SDK2: variants seen among roughly 807,000 people sequenced by gnomAD.
The protein encoded by SDK2 is protein sidekick-2.
Under a neutral mutation model 253.9 loss-of-function variants are expected in SDK2, and 105 were observed. The observed-to-expected ratio is 0.41, with a 90% CI of 0.35 to 0.49. The LOEUF (loss-of-function observed/expected upper bound fraction) is 0.49, where lower values mean the gene tolerates loss of function less well. SDK2 is among the 20% of genes least tolerant of loss of function. The pLI is 0.06. For synonymous variants in SDK2, 1,249 were observed against 1,234.9 expected, an observed-to-expected ratio of 1.01 and a Z score of -0.24; for missense variants, 2,608 against 3,003.0, an observed-to-expected ratio of 0.87 and a Z score of 3.07.
At chr17:73,597,731 C>T (rs1204365584) in intron 1 of SDK2, among the ~76,000 whole-genome samples, 9 of 151,804 alleles carry the variant, frequency 5.9e-5, no homozygotes, top group East Asian at 3.9e-4. Context: ...CTGCAAGCTC[C>T]GCCTCCCGGG....
At position 73,541,301 on chromosome 17, in the gene SDK2, G is replaced by T. The variant is rs1327212877; in HGVS notation, c.65-33704C>A. 6.6e-6 allele frequency among the ~76,000 whole-genome samples: 1 copy of T among 152,210 alleles called. No homozygotes were observed. The highest frequency in any genetic ancestry group is 2.4e-5 in the African/African-American group (1 of 41,460). ...CAGGAGCTCTCCACCCTTCTAAAAG[G>T]TGGACCAGGGCCAGAGCCAGGCTCT... On this transcript the variant is annotated intron_variant, in intron 1 of 44. Coordinates refer to ENST00000392650, the MANE Select transcript of SDK2 (RefSeq NM_001144952.2). The surrounding 1 kb of genome is among the most constrained non-coding windows in gnomAD (Gnocchi z 4.3).
chr17:73,538,755 C>T (rs2044819925), intron 1 of SDK2, among the ~76,000 whole-genome samples: 1 of 152,172 alleles, frequency 6.6e-6, no homozygotes, highest in African/African-American at 2.4e-5. Context: ...CATAAGCAGG[C>T]ACCCAGTGTA....
At chr17:73,398,882 AG>A (rs983708405) in intron 22 of SDK2, among the ~76,000 whole-genome samples, 2 of 152,184 alleles carry the variant, frequency 1.3e-5, no homozygotes, top group Non-Finnish European at 2.9e-5. Flanking sequence ...TGATGATTCC[AG>A]GGTACAGCCA....
chr17:73,358,209 A>G lies in SDK2; in HGVS notation c.5468-5T>C. On this transcript the variant is annotated splice_polypyrimidine_tract_variant and splice_region_variant and intron_variant, in intron 39 of 44. Coordinates refer to ENST00000392650, the MANE Select transcript of SDK2 (RefSeq NM_001144952.2). Reference sequence around the variant, plus strand: ...CGCCAGGCGGTCCTGGGGCACCTGCAGACAGCACACAGAGGCGAGGGATGT... The same window carrying G: ...CGCCAGGCGGTCCTGGGGCACCTGCGGACAGCACACAGAGGCGAGGGATGT... The G allele has an allele frequency of 6.3e-7, 1 of 1,598,364 alleles. No homozygotes were observed.
At chr17:73,556,323 G>GTT (rs1386379974) in intron 1 of SDK2, among the ~76,000 whole-genome samples, 2 of 131,456 alleles carry the variant, frequency 1.5e-5, no homozygotes, top group South Asian at 5.3e-4. Context: ...CGGAGTTTGG[G>GTT]TTTTTTTTAT....
intron 1 of SDK2, among the ~76,000 whole-genome samples, chr17:73,611,704 G>A (rs1304747303): frequency 1.3e-5 from 2 of 152,156 alleles, no homozygotes; most frequent in African/African-American, 4.8e-5. Flanking sequence ...GCAGTGAGAG[G>A]GTCCCTTGCC....
intron 1 of SDK2, among the ~76,000 whole-genome samples, chr17:73,599,345 A>G (rs2045805826): frequency 1.3e-5 from 2 of 152,208 alleles, no homozygotes; most frequent in African/African-American, 4.8e-5. Flanking sequence ...CAGCCTGGCC[A>G]ACATGGCGAA....
intron 1 of SDK2, among the ~76,000 whole-genome samples, chr17:73,582,494 T>G (rs923811082): frequency 6.6e-5 from 10 of 152,208 alleles, no homozygotes; most frequent in Admixed American, 2.6e-4. Context: ...CTGTGACAAT[T>G]ATCAAAATGT....
At position 73,470,405 on chromosome 17, in the gene SDK2, A is replaced by G. The variant is rs146283274; in HGVS notation, c.331+1707T>C. ...CCAACCTGGACACAGACATTTGCAC[A>G]CACCCATGCACACACCTTGGCACAC... is the stretch of plus-strand genomic sequence containing the variant. On this transcript the variant is annotated intron_variant, in intron 3 of 44. Coordinates refer to ENST00000392650, the MANE Select transcript of SDK2 (RefSeq NM_001144952.2). Among the ~76,000 whole-genome samples the G allele has an allele frequency of 3.2e-3, 482 of 152,254 alleles. 1 individual carries two copies. The highest frequency in any genetic ancestry group is 4.6e-3 in the Non-Finnish European group (314 of 68,022).
intron 4 of SDK2, among the ~76,000 whole-genome samples, chr17:73,449,080 C>G (rs1056730334): frequency 1.3e-5 from 2 of 152,042 alleles, no homozygotes; most frequent in Non-Finnish European, 2.9e-5. Flanking sequence ...CAGCTGGTTT[C>G]CTTTGCTGGG....
At chr17:73,559,598 G>GCCCC (rs10633523) in intron 1 of SDK2, among the ~76,000 whole-genome samples, 25 of 122,188 alleles carry the variant, frequency 2.0e-4, no homozygotes, top group South Asian at 5.1e-4. Context: ...CGCTCCCTGT[G>GCCCC]CCCCCCGCCC....
chr17:73,367,914 A>T (rs1203186266), intron 37 of SDK2, among the ~76,000 whole-genome samples: 1 of 150,608 alleles, frequency 6.6e-6, no homozygotes, highest in African/African-American at 2.5e-5. Context: ...ACCTGTGCTG[A>T]CCCCCGTCTG....
Position 73,541,032 on chromosome 17 carries a change from G to A in SDK2, c.65-33435C>T, listed in dbSNP as rs190035375. Among the ~76,000 whole-genome samples, 2 of 152,336 alleles carry A rather than the reference G, an allele frequency of 1.3e-5. No individual in the cohort carries two copies. On this transcript the variant is annotated intron_variant, in intron 1 of 44. Transcript: ENST00000392650. The surrounding 1 kb of genome is among the most constrained non-coding windows in gnomAD (Gnocchi z 4.3). Reference sequence around the variant, plus strand: ...TGGCAAATGTGGTCTCGGCCATCAAGCTGCCAATGGTAAGCTGCTAGGCCC... The same window carrying A: ...TGGCAAATGTGGTCTCGGCCATCAAACTGCCAATGGTAAGCTGCTAGGCCC...
chr17:73,459,508 T>C (rs899180364), intron 3 of SDK2, among the ~76,000 whole-genome samples: 4 of 152,198 alleles, frequency 2.6e-5, no homozygotes, highest in African/African-American at 9.6e-5. Flanking sequence ...CAAGGCACCA[T>C]GGTTCTACAG....
At chr17:73,410,760 G>A (rs11650130) in intron 18 of SDK2, among the ~76,000 whole-genome samples, 150,365 of 152,328 alleles carry the variant, frequency 0.99, 74,241 homozygotes, top group East Asian at 1. Flanking sequence ...TGCTCAAAAC[G>A]TCTGGGCAAT....
intron 12 of SDK2, among the ~76,000 whole-genome samples, chr17:73,426,208 CTTTTTTTTTTT>C (rs751417057): frequency 0.016 from 461 of 29,188 alleles, 6 homozygotes; most frequent in Middle Eastern, 0.083. Context: ...CCATGCTGGG[CTTTTTTTTTTT>C]TTTTTTTTTT....
chr17:73,553,990 TTACTA>T, intron 1 of SDK2, among the ~76,000 whole-genome samples: 1 of 151,738 alleles, frequency 6.6e-6, no homozygotes, highest in South Asian at 2.1e-4. Flanking sequence ...GGAGGGAGGG[TTACTA>T]GGGGAGCTGG....
rs1300781117 is a variant in SDK2 at position 73,361,348 on chromosome 17, C to T, written c.5467+336G>A. On this transcript the variant is annotated intron_variant, in intron 39 of 44. Transcript: ENST00000392650. This position sits in a 1 kb window ranked among gnomAD's most constrained non-coding sequence, Gnocchi z 4.1. ...GGGCACCTGCCAGGCTGCATCCTTC[C>T]AGGACGGAAGTAAAGGAGGCCATGC... is the stretch of plus-strand genomic sequence containing the variant. 1.3e-5 allele frequency among the ~76,000 whole-genome samples: 2 copies of T among 152,200 alleles called. No homozygotes were observed. Among genetic ancestry groups the T allele is most frequent in the East Asian group, 3.9e-4 (2 of 5,186 alleles).
chr17:73,490,156 C>A (rs542739754), intron 2 of SDK2, among the ~76,000 whole-genome samples: 13 of 152,284 alleles, frequency 8.5e-5, no homozygotes, highest in Admixed American at 2.0e-4. Context: ...ACTTTTTTGG[C>A]GGCCTGTCTT....
Sources: allele counts gnomAD v4.1 joint callset (sites outside exome capture counted in the v4.1 genomes callset), GRCh38; gene constraint gnomAD v4.1.1; non-coding constraint Gnocchi (gnomAD v3.1); transcripts MANE v1.5; gene names NCBI Gene and HGNC (gene_info 2026-07-23, HGNC 2026-07-21).